The following ARFGEF2 variants were observed in gnomAD, a reference collection of about 807,000 sequenced individuals.
ARFGEF2 encodes brefeldin A-inhibited guanine nucleotide-exchange protein 2.
A neutral mutation model predicts 219.9 loss-of-function variants in ARFGEF2; 74 were observed. That is an observed-to-expected ratio of 0.34 (90% confidence interval 0.28 to 0.41). The LOEUF is 0.41. ARFGEF2 is among the 10% of genes least tolerant of loss of function. The pLI, the probability that ARFGEF2 is intolerant of heterozygous loss-of-function variation, is 1.00. For synonymous variants in ARFGEF2, 733 were observed against 799.2 expected, an observed-to-expected ratio of 0.92 and a Z score of 1.40; for missense variants, 1,743 against 2,218.3, an observed-to-expected ratio of 0.79 and a Z score of 4.30.
rs558052610 is a variant in ARFGEF2, at chr20:48,956,770, G to T, written c.838+2980G>T. The stretch of plus-strand genomic sequence containing the variant: ...AATTTTGTATTTTTTAGTAGAAACG[G>T]AGTTTCACCATGTTGGCCAGGCTGA... On this transcript the variant is annotated intron_variant, in intron 6 of 38. Transcript: ENST00000371917. Among the ~76,000 whole-genome samples the T allele has an allele frequency of 1.8e-3, 281 of 152,216 alleles. 3 individuals are homozygous for T. The highest frequency in any genetic ancestry group is 6.8e-3 in the Middle Eastern group (2 of 294).
At chr20:48,954,712 T>G (rs1346926264) in intron 6 of ARFGEF2, among the ~76,000 whole-genome samples, 1 of 152,168 alleles carries the variant, frequency 6.6e-6, no homozygotes, top group Non-Finnish European at 1.5e-5. Context: ...GAATGTTGTT[T>G]GGTATTCATT....
intron 10 of ARFGEF2, 89 bp from the exon 11 acceptor site, chr20:48,972,237 C>T (rs545198711): frequency 3.7e-5 from 34 of 916,670 alleles, no homozygotes; most frequent in African/African-American, 2.1e-4. Context: ...ACTTACTGCA[C>T]GACTGGGTTG....
At position 48,952,812 on chromosome 20, in the gene ARFGEF2, C is replaced by G; in HGVS notation, c.531C>G (p.Ile177Met). 6.2e-7 allele frequency: 1 copy of G among 1,614,244 alleles called. No individual in the cohort carries two copies. Among genetic ancestry groups the G allele is most frequent in the Non-Finnish European group, 8.5e-7 (1 of 1,180,036 alleles). ...TCTATTTGGCCAGCAAAAATCTCAT[C>G]AATCAAACCACTGCCAAGGCTACCC... ...YNIYLASKNLINQTTAKATLT... is the reference protein window; with the variant it reads ...YNIYLASKNLMNQTTAKATLT... Residue 177 changes from isoleucine to methionine, a missense_variant, in exon 5 of 39, where the codon ATC becomes ATG. Ile to Met is a conservative substitution (Grantham distance 10). Transcript: ENST00000371917.
Position 49,018,100 on chromosome 20 carries a change from C to T in ARFGEF2, c.4509+550C>T, listed in dbSNP as rs190381506. Among the ~76,000 whole-genome samples, 32 of 152,298 alleles carry T rather than the reference C, an allele frequency of 2.1e-4. No individual in the cohort carries two copies. In the East Asian group the frequency reaches 5.0e-3, roughly 24 times the overall value. Reference sequence around the variant, plus strand: ...CATAAAGAAGTTTTAATTCAGATCTCACTTTTAAATACTTTGGTTTACAGA... The same window carrying T: ...CATAAAGAAGTTTTAATTCAGATCTTACTTTTAAATACTTTGGTTTACAGA... On this transcript the variant is annotated intron_variant, in intron 33 of 38. Coordinates refer to ENST00000371917, the MANE Select transcript of ARFGEF2 (RefSeq NM_006420.3).
In ARFGEF2 at chr20:48,936,573, G is replaced by A. The variant is rs946655781; in HGVS notation, c.122-4626G>A. On this transcript the variant is annotated intron_variant, in intron 1 of 38. Coordinates refer to ENST00000371917, the MANE Select transcript of ARFGEF2 (RefSeq NM_006420.3). ...GAGTTTCCCTCTTGTTGCCCAGGCT[G>A]GAGTGCATTGGCATGATCTCAGCTC... 2.8e-4 allele frequency among the ~76,000 whole-genome samples: 42 copies of A among 152,064 alleles called. 1 individual carries two copies. The highest frequency in any genetic ancestry group is 7.4e-5 in the Non-Finnish European group (5 of 67,976).
chr20:48,970,010 CT>C (rs1392647320), intron 9 of ARFGEF2, among the ~76,000 whole-genome samples: 1 of 152,230 alleles, frequency 6.6e-6, no homozygotes, highest in African/African-American at 2.4e-5. Context: ...GCTGCTAATA[CT>C]GTGATAGGTA....
In ARFGEF2 at chr20:48,921,958, G is replaced by T. The variant is rs570402505; in HGVS notation, c.69G>T (p.Glu23Asp). Reference sequence around the variant, plus strand: ...TGGAGAAGATCCTAGCCGACAAGGAGGTGAAGCGGCCCCAGCACTCCCAGC... The same window carrying T: ...TGGAGAAGATCCTAGCCGACAAGGATGTGAAGCGGCCCCAGCACTCCCAGC... ...RALEKILADK[E>D]VKRPQHSQLR... Residue 23 changes from glutamate to aspartate, a missense_variant, in exon 1 of 39, where the codon GAG (glutamate) becomes GAT (aspartate). Transcript: ENST00000371917. 3.2e-6 allele frequency: 5 copies of T among 1,575,006 alleles called. No individual in the cohort carries two copies. The South Asian group carries it at 5.8e-5, about 18-fold the overall frequency.
At chr20:49,023,525 TTTTTTTTTTTTG>T (rs1472944925) in intron 35 of ARFGEF2, among the ~76,000 whole-genome samples, 11 of 23,924 alleles carry the variant, frequency 4.6e-4, no homozygotes, top group East Asian at 1.5e-3. Context: ...TTTTTCTGGT[TTTTTTTTTTTTG>T]TTTTTTTTTT....
intron 25 of ARFGEF2, among the ~76,000 whole-genome samples, chr20:48,999,473 G>A (rs746733335): frequency 2.6e-5 from 4 of 152,172 alleles, no homozygotes; most frequent in Non-Finnish European, 5.9e-5. Context: ...ATGTGGCCGG[G>A]CGTCATGGCT....
intron 12 of ARFGEF2, among the ~76,000 whole-genome samples, chr20:48,973,722 T>TA (rs2091242892): frequency 1.3e-5 from 2 of 152,178 alleles, no homozygotes; most frequent in Admixed American, 1.3e-4. Context: ...ATAGGATGCT[T>TA]AACTGTAGGT....
chr20:48,921,732 C>T lies in ARFGEF2; in HGVS notation c.-158C>T, dbSNP rs540857284. 3.7e-4 allele frequency among the ~76,000 whole-genome samples: 57 copies of T among 152,186 alleles called. No homozygotes were observed. Among genetic ancestry groups the T allele is most frequent in the African/African-American group, 1.2e-3 (51 of 41,560 alleles). On this transcript the variant is annotated 5_prime_UTR_variant, in exon 1 of 39. Transcript: ENST00000371917. ...AGTCACGTGGTCACGTGACGCGCTC[C>T]AACATGGCGGCGCCGTGGGGCCGAG...
intron 9 of ARFGEF2, 116 bp downstream of exon 9, chr20:48,969,393 T>G (rs2091211198): frequency 1.3e-6 from 2 of 1,589,464 alleles, no homozygotes; most frequent in Non-Finnish European, 1.7e-6. Context: ...TTTGTCAGTG[T>G]AAGTGCAGGA....
chr20:49,020,759 G>T (rs980600249), intron 34 of ARFGEF2, among the ~76,000 whole-genome samples: 3 of 151,928 alleles, frequency 2.0e-5, no homozygotes, highest in African/African-American at 7.3e-5. Flanking sequence ...TTTTCTTCAC[G>T]AGCTCCAGAT....
rs2091321730 is a variant in ARFGEF2, at chr20:48,985,467, C to T, written c.2130C>T (p.Ala710=). The part of the protein sequence containing the change: ...SARFNKEVMY[A]YVDQLDFCEK... ...GGTTCAACAAGGAGGTGATGTATGC[C>T]TACGTGGACCAACTTGACTTCTGTG... The change falls in exon 16 of 39, where the codon GCC becomes GCT. Residue 710 remains alanine, a synonymous_variant. Coordinates refer to ENST00000371917, the MANE Select transcript of ARFGEF2 (RefSeq NM_006420.3). 6.2e-7 allele frequency: 1 copy of T among 1,614,068 alleles called. No homozygotes were observed. Among genetic ancestry groups the T allele is most frequent in the African/African-American group, 1.3e-5 (1 of 74,918 alleles).
intron 1 of ARFGEF2, among the ~76,000 whole-genome samples, chr20:48,934,464 G>A (rs2090934048): frequency 6.6e-6 from 1 of 152,138 alleles, no homozygotes; most frequent in Admixed American, 6.5e-5. Flanking sequence ...TTTCAGCCCA[G>A]CATGTATTAG....
rs185062953 is a variant in ARFGEF2, at chr20:48,924,015, C to G, written c.121+2005C>G. On this transcript the variant is annotated intron_variant, in intron 1 of 38. Coordinates refer to ENST00000371917, the MANE Select transcript of ARFGEF2 (RefSeq NM_006420.3). Reference sequence around the variant, plus strand: ...ATATGAATCACAAATTGGGGTTGTGCCAATGGCATAATAGGAACTGTCATA... The same window carrying G: ...ATATGAATCACAAATTGGGGTTGTGGCAATGGCATAATAGGAACTGTCATA... Among the ~76,000 whole-genome samples, 288 of 152,272 alleles carry G rather than the reference C, an allele frequency of 1.9e-3. 1 individual carries two copies. The highest frequency in any genetic ancestry group is 6.6e-3 in the African/African-American group (275 of 41,558).
intron 3 of ARFGEF2, among the ~76,000 whole-genome samples, chr20:48,949,179 A>C (rs897938727): frequency 6.6e-6 from 1 of 152,162 alleles, no homozygotes; most frequent in African/African-American, 2.4e-5. Context: ...TGTGCCCCTT[A>C]AGGAGTCTGG....
intron 21 of ARFGEF2, among the ~76,000 whole-genome samples, chr20:48,991,944 G>A (rs1287978052): frequency 1.3e-5 from 2 of 152,132 alleles, no homozygotes; most frequent in African/African-American, 4.8e-5. Flanking sequence ...AGCCTATATT[G>A]CCAGTTTACA....
chr20:48,998,574 A>G, intron 25 of ARFGEF2, 69 bp downstream of exon 25: 3 of 1,534,652 alleles, frequency 2.0e-6, no homozygotes, highest in Non-Finnish European at 2.7e-6. Flanking sequence ...ATTCAAAAAA[A>G]GAAGTGATAA....
Sources: allele counts gnomAD v4.1 joint callset (sites outside exome capture counted in the v4.1 genomes callset), GRCh38; gene constraint gnomAD v4.1.1; transcripts MANE v1.5; gene names NCBI Gene and HGNC (gene_info 2026-07-23, HGNC 2026-07-21).